RBFOX1: variants seen among roughly 807,000 people sequenced by gnomAD.
RBFOX1 encodes RNA binding protein fox-1 homolog 1.
In RBFOX1, 8 loss-of-function variants were observed where a neutral mutation model predicts 57.7. The ratio of observed to expected loss-of-function variants is 0.14; its 90% CI spans 0.08 to 0.25. The LOEUF is 0.25. RBFOX1 is among the 10% of genes least tolerant of loss of function. The pLI is 1.00. For synonymous variants in RBFOX1, 326 were observed against 222.4 expected, an observed-to-expected ratio of 1.47 and a Z score of -4.15; for missense variants, 611 against 548.5, an observed-to-expected ratio of 1.11 and a Z score of -1.14.
intron 3 of RBFOX1, among the ~76,000 whole-genome samples, chr16:6,825,397 G>T (rs912537289): frequency 6.6e-6 from 1 of 151,818 alleles, no homozygotes; most frequent in Non-Finnish European, 1.5e-5. Flanking sequence ...CGAATTAACG[G>T]AAAAGCCAGA....
At chr16:6,737,569 T>C (rs563335765) in intron 3 of RBFOX1, among the ~76,000 whole-genome samples, 78 of 152,336 alleles carry the variant, frequency 5.1e-4, no homozygotes, top group South Asian at 3.7e-3. Context: ...ATCTGGACTC[T>C]GCTTCTAGGA....
intron 2 of RBFOX1, among the ~76,000 whole-genome samples, chr16:5,476,839 G>A (rs578025815): frequency 5.9e-5 from 9 of 152,072 alleles, no homozygotes; most frequent in East Asian, 5.8e-4. Flanking sequence ...AGAGTCTTGC[G>A]TCTTCCAGGC....
At chr16:6,865,690 A>C (rs2059795888) in intron 3 of RBFOX1, among the ~76,000 whole-genome samples, 1 of 152,298 alleles carries the variant, frequency 6.6e-6, no homozygotes, top group Non-Finnish European at 1.5e-5. Context: ...TTAGTTAATA[A>C]GTTCATTTTA....
At chr16:7,381,263 C>T (rs1466114725) in intron 4 of RBFOX1, among the ~76,000 whole-genome samples, 2 of 152,104 alleles carry the variant, frequency 1.3e-5, no homozygotes, top group Non-Finnish European at 2.9e-5. Context: ...TTTTTATGGG[C>T]CCTGACTTTT....
At position 6,467,013 on chromosome 16, in the gene RBFOX1, T is replaced by A. The variant is rs8060618; in HGVS notation, c.-64+149956T>A. Among the ~76,000 whole-genome samples the A allele has an allele frequency of 9.9e-4, 150 of 151,412 alleles. 1 individual carries two copies. The highest frequency in any genetic ancestry group is 3.3e-3 in the African/African-American group (138 of 41,454). On this transcript the variant is annotated intron_variant, in intron 2 of 15. Coordinates refer to ENST00000550418, the MANE Select transcript of RBFOX1 (RefSeq NM_018723.4). ...TAAATTAATTACATTTAATGAAATA[T>A]AATAAAGTTTATTTAATATATTAAT...
chr16:7,203,665 C>T (rs755787296), intron 4 of RBFOX1, among the ~76,000 whole-genome samples: 5 of 152,190 alleles, frequency 3.3e-5, no homozygotes, highest in Non-Finnish European at 5.9e-5. Context: ...TAGGGTCCCT[C>T]TATGTGTGAG....
intron 2 of RBFOX1, among the ~76,000 whole-genome samples, chr16:6,539,651 A>T (rs1483803311): frequency 1.3e-5 from 2 of 152,102 alleles, no homozygotes; most frequent in East Asian, 3.9e-4. Flanking sequence ...TACAAAAATT[A>T]GCCATGCCTG....
At chr16:6,209,274 A>C (rs954656716) in intron 1 of RBFOX1, among the ~76,000 whole-genome samples, 1 of 152,196 alleles carries the variant, frequency 6.6e-6, no homozygotes, top group Non-Finnish European at 1.5e-5. Context: ...TTGTGGAATT[A>C]ACCTAACTTT....
chr16:5,671,703 C>T (rs2050017286), intron 3 of RBFOX1, among the ~76,000 whole-genome samples: 1 of 152,194 alleles, frequency 6.6e-6, no homozygotes, highest in African/African-American at 2.4e-5. Flanking sequence ...GAAAGGGGTG[C>T]CTCTCTCACC....
intron 2 of RBFOX1, among the ~76,000 whole-genome samples, chr16:6,619,951 C>A (rs755046308): frequency 2.6e-5 from 4 of 152,082 alleles, no homozygotes; most frequent in African/African-American, 4.8e-5. Context: ...TAAGTGAGAA[C>A]AAGGAATATT....
rs115808896 is a variant in RBFOX1, at chr16:7,141,928, C to T, written c.27+89830C>T. ...TAAATCTGTCATGTCAGTCCCCTTC[C>T]CCCTTAAGATGTTTCAGCGGGATCC... On this transcript the variant is annotated intron_variant, in intron 4 of 15. Coordinates refer to ENST00000550418, the MANE Select transcript of RBFOX1 (RefSeq NM_018723.4). 7.4e-3 allele frequency among the ~76,000 whole-genome samples: 1,130 copies of T among 152,236 alleles called. 17 individuals carry two copies. Among genetic ancestry groups the T allele is most frequent in the African/African-American group, 0.026 (1,063 of 41,548 alleles).
chr16:6,887,707 G>A (rs1203708957), intron 3 of RBFOX1, among the ~76,000 whole-genome samples: 1 of 151,526 alleles, frequency 6.6e-6, no homozygotes, highest in Admixed American at 6.6e-5. Flanking sequence ...CTGTCACCCA[G>A]GTTGGAGTGC....
At chr16:6,725,801 C>G (rs187068275) in intron 3 of RBFOX1, among the ~76,000 whole-genome samples, 10 of 152,192 alleles carry the variant, frequency 6.6e-5, no homozygotes, top group Non-Finnish European at 1.3e-4. Flanking sequence ...CATTTTCTGG[C>G]GCCGTGTGTG....
chr16:6,693,138 C>T (rs1455133347), intron 3 of RBFOX1, among the ~76,000 whole-genome samples: 4 of 151,616 alleles, frequency 2.6e-5, no homozygotes, highest in African/African-American at 9.7e-5. Context: ...TCATCATCAC[C>T]ATCATCCTCC....
chr16:6,061,746 C>T lies in RBFOX1; in HGVS notation c.-127+41754C>T, dbSNP rs1429073225. ...AGTGTTTTCACTTTACACTCACACT[C>T]ATATAGCACAGAATACTTCTGTGAC... is the stretch of plus-strand genomic sequence containing the variant. On this transcript the variant is annotated intron_variant, in intron 1 of 15. Coordinates refer to ENST00000550418, the MANE Select transcript of RBFOX1 (RefSeq NM_018723.4). 2.6e-5 allele frequency among the ~76,000 whole-genome samples: 4 copies of T among 152,140 alleles called. No homozygotes were observed. In the South Asian group the frequency reaches 6.2e-4, roughly 24 times the overall value.
intron 3 of RBFOX1, among the ~76,000 whole-genome samples, chr16:6,956,604 G>A (rs936170005): frequency 1.3e-5 from 2 of 152,168 alleles, no homozygotes; most frequent in Non-Finnish European, 2.9e-5. Flanking sequence ...AGGAGTGAGT[G>A]GTTCAAATCC....
intron 4 of RBFOX1, among the ~76,000 whole-genome samples, chr16:7,068,009 T>C (rs980843401): frequency 1.1e-4 from 16 of 148,708 alleles, no homozygotes; most frequent in Non-Finnish European, 1.0e-4. Flanking sequence ...AAGCCAGCCA[T>C]GGTTTCATGA....
At chr16:6,049,030 C>G (rs187780365) in intron 1 of RBFOX1, among the ~76,000 whole-genome samples, 1 of 146,844 alleles carries the variant, frequency 6.8e-6, no homozygotes, top group Non-Finnish European at 1.5e-5. Context: ...TTTTGACGAT[C>G]GACCCCTTAC....
At chr16:7,249,518 G>GTA (rs976118159) in intron 4 of RBFOX1, among the ~76,000 whole-genome samples, 2 of 150,924 alleles carry the variant, frequency 1.3e-5, no homozygotes, top group African/African-American at 4.9e-5. Context: ...TTCCCACATT[G>GTA]TATATCAACT....
Sources: allele counts gnomAD v4.1 joint callset (sites outside exome capture counted in the v4.1 genomes callset), GRCh38; gene constraint gnomAD v4.1.1; transcripts MANE v1.5; gene names NCBI Gene and HGNC (gene_info 2026-07-23, HGNC 2026-07-21).